Variants in DNAH9 observed in about 807,000 individuals in gnomAD.
DNAH9 encodes dynein axonemal heavy chain 9.
DNAH9 carries 345 observed loss-of-function variants against 471.6 expected under a neutral mutation model. The ratio of observed to expected loss-of-function variants is 0.73; its 90% confidence interval spans 0.67 to 0.80. DNAH9 has a LOEUF of 0.80. Among genes scored for constraint, DNAH9 ranks in the 30% least tolerant of loss-of-function variants. DNAH9 has a pLI of 0.00. For synonymous variants in DNAH9, 2,093 were observed against 2,123.6 expected (o/e 0.99, Z 0.40); for missense variants, 5,407 against 5,609.2 (o/e 0.96, Z 1.15).
intron 6 of DNAH9, among the ~76,000 whole-genome samples, chr17:11,620,187 C>G (rs2072827896): frequency 1.3e-5 from 2 of 151,480 alleles, no homozygotes; most frequent in African/African-American, 2.4e-5. Context: ...TGCACTCTAG[C>G]CTAGGCAACA....
At position 11,687,204 on chromosome 17, in the gene DNAH9, A is replaced by G. The variant is rs1022586183; in HGVS notation, c.3744-2362A>G. Among the ~76,000 whole-genome samples the G allele has an allele frequency of 2.6e-5, 4 of 152,192 alleles. No homozygotes were observed. The East Asian group carries it at 7.7e-4, about 29-fold the overall frequency. ...ATATGTGGGAGCTAAATAATAGAGAAGGCATGCAAATGATAGTCCCATTCT... is the reference window on the plus strand; with the variant it reads ...ATATGTGGGAGCTAAATAATAGAGAGGGCATGCAAATGATAGTCCCATTCT... On this transcript the variant is annotated intron_variant, in intron 19 of 68. Transcript: ENST00000262442.
intron 12 of DNAH9, among the ~76,000 whole-genome samples, chr17:11,650,299 A>G (rs2073478923): frequency 6.6e-6 from 1 of 152,286 alleles, no homozygotes; most frequent in East Asian, 1.9e-4. Flanking sequence ...ACTTGTACCT[A>G]TGCCCATCAG....
chr17:11,846,879 G>A (rs1289232740), intron 49 of DNAH9, among the ~76,000 whole-genome samples: 5 of 141,432 alleles, frequency 3.5e-5, no homozygotes, highest in African/African-American at 8.0e-5. Flanking sequence ...TGCTGAAGTT[G>A]CTTATCAGCT....
At chr17:11,643,389 C>T (rs777270264) in intron 10 of DNAH9, among the ~76,000 whole-genome samples, 4 of 152,016 alleles carry the variant, frequency 2.6e-5, no homozygotes, top group Admixed American at 6.6e-5. Context: ...TGTTTCGGAT[C>T]GCGTGTTCTA....
chr17:11,871,823 C>G, intron 52 of DNAH9, 37 bp downstream of exon 52: 5 of 1,601,656 alleles, frequency 3.1e-6, no homozygotes. Context: ...CCACATCAGC[C>G]TCTGGGCACC....
intron 67 of DNAH9, among the ~76,000 whole-genome samples, chr17:11,952,635 G>A (rs780642955): frequency 1.3e-5 from 2 of 152,042 alleles, no homozygotes; most frequent in South Asian, 4.1e-4. Flanking sequence ...GAGACTATCA[G>A]GTAGTTTCCC....
At chr17:11,641,359 T>G (rs2073267773) in intron 10 of DNAH9, among the ~76,000 whole-genome samples, 1 of 152,162 alleles carries the variant, frequency 6.6e-6, no homozygotes, top group Non-Finnish European at 1.5e-5. Context: ...AATTTTCCAA[T>G]GATCAAGGAT....
chr17:11,872,244 T>C (rs1972296112), intron 52 of DNAH9, among the ~76,000 whole-genome samples: 1 of 152,096 alleles, frequency 6.6e-6, no homozygotes. Flanking sequence ...ATATCCTTCG[T>C]CGGCTTCCGT....
At chr17:11,785,649 T>A (rs144338652) in intron 41 of DNAH9, among the ~76,000 whole-genome samples, 7 of 152,274 alleles carry the variant, frequency 4.6e-5, no homozygotes, top group Non-Finnish European at 1.0e-4. Context: ...TCCAGGCTAG[T>A]TCAGGATACC....
intron 28 of DNAH9, among the ~76,000 whole-genome samples, chr17:11,730,308 A>G (rs1224587743): frequency 7.9e-5 from 12 of 152,182 alleles, no homozygotes; most frequent in Non-Finnish European, 1.8e-4. Context: ...CCATCATGAA[A>G]GCTGCCAAAT....
intron 49 of DNAH9, among the ~76,000 whole-genome samples, chr17:11,847,065 T>C (rs11870017): frequency 1.3e-5 from 2 of 152,162 alleles, no homozygotes; most frequent in African/African-American, 4.8e-5. Flanking sequence ...AATGAGGTGG[T>C]TTTTTTCTTG....
chr17:11,746,455 T>C (rs546993226), intron 31 of DNAH9, among the ~76,000 whole-genome samples: 7 of 152,262 alleles, frequency 4.6e-5, no homozygotes, highest in African/African-American at 1.7e-4. Context: ...TGAAATGAAG[T>C]GTAAGATCAG....
chr17:11,802,794 G>A (rs987083534), intron 43 of DNAH9, among the ~76,000 whole-genome samples: 9 of 152,000 alleles, frequency 5.9e-5, no homozygotes, highest in Non-Finnish European at 8.8e-5. Context: ...CTCACCACTC[G>A]AGCTCGCATC....
intron 68 of DNAH9, among the ~76,000 whole-genome samples, chr17:11,963,528 G>A (rs1000596635): frequency 1.3e-5 from 2 of 151,894 alleles, no homozygotes; most frequent in African/African-American, 4.8e-5. Context: ...AGAGGTGGGG[G>A]TTAATAAAAA....
At chr17:11,710,430 T>C (rs1349953611) in intron 26 of DNAH9, among the ~76,000 whole-genome samples, 2 of 152,186 alleles carry the variant, frequency 1.3e-5, no homozygotes, top group Non-Finnish European at 2.9e-5. Flanking sequence ...TTCAAATCGT[T>C]CGTGAAAAAC....
Position 11,664,570 on chromosome 17 carries a change from C to G in DNAH9, c.2596-263C>G, listed in dbSNP as rs147870223. On this transcript the variant is annotated intron_variant, in intron 14 of 68. Coordinates refer to ENST00000262442, the MANE Select transcript of DNAH9 (RefSeq NM_001372.4). ...GAAGCACACACATTGCATCCATCAG[C>G]ATTGCTTCTGAGAAGCTGGGCCAAC... Among the ~76,000 whole-genome samples the G allele has an allele frequency of 4.0e-3, 603 of 152,324 alleles. 5 individuals carry two copies. Among genetic ancestry groups the G allele is most frequent in the African/African-American group, 0.014 (570 of 41,576 alleles).
intron 35 of DNAH9, among the ~76,000 whole-genome samples, chr17:11,762,487 T>C (rs1210073392): frequency 6.6e-6 from 1 of 152,212 alleles, no homozygotes; most frequent in Non-Finnish European, 1.5e-5. Flanking sequence ...TCTCTTGATA[T>C]CTGCCTTTCA....
At chr17:11,963,575 G>A (rs929362895) in intron 68 of DNAH9, among the ~76,000 whole-genome samples, 1 of 151,972 alleles carries the variant, frequency 6.6e-6, no homozygotes, top group Non-Finnish European at 1.5e-5. Context: ...ACTAGATGAA[G>A]GGATCCATAC....
At chr17:11,874,143 G>A (rs1362549500) in intron 52 of DNAH9, among the ~76,000 whole-genome samples, 4 of 151,810 alleles carry the variant, frequency 2.6e-5, no homozygotes, top group Non-Finnish European at 5.9e-5. Context: ...CACCTGGGAG[G>A]CTGAGGCAGG....
Sources: gnomAD v4.1 joint callset for allele counts (sites outside exome capture counted in the v4.1 genomes callset) on GRCh38, gnomAD v4.1.1 for gene constraint, MANE v1.5 for transcripts, NCBI Gene and HGNC (gene_info 2026-07-23, HGNC 2026-07-21) for gene names.